POU2F3: variants seen among roughly 807,000 people sequenced by gnomAD.
POU2F3 encodes the protein POU class 2 homeobox 3.
A neutral mutation model predicts 59.2 loss-of-function variants in POU2F3; 23 were observed. The observed-to-expected ratio is 0.39, with a 90% CI of 0.28 to 0.55. POU2F3 has a LOEUF of 0.55. POU2F3 is among the 20% of genes least tolerant of loss of function. The pLI, the probability that POU2F3 is intolerant of heterozygous loss-of-function variation, is 0.66. For synonymous variants in POU2F3, 190 were observed against 214.6 expected (o/e 0.89, Z 1.00); for missense variants, 473 against 544.5 (o/e 0.87, Z 1.31).
At chr11:120,284,728 C>A (rs1392522759) in intron 3 of POU2F3, among the ~76,000 whole-genome samples, 1 of 152,210 alleles carries the variant, frequency 6.6e-6, no homozygotes, top group Admixed American at 6.5e-5. Context: ...TGACACATGA[C>A]ATCACTGTAA....
chr11:120,284,789 C>T (rs1224919498), intron 3 of POU2F3, among the ~76,000 whole-genome samples: 1 of 151,632 alleles, frequency 6.6e-6, no homozygotes, highest in African/African-American at 2.4e-5. Flanking sequence ...CCTTTAGCCC[C>T]GGGGTGAGTG....
At chr11:120,238,097 G>A (rs374418862), upstream of POU2F3, among the ~76,000 whole-genome samples, 43 of 152,162 alleles carry the variant, frequency 2.8e-4, no homozygotes, top group African/African-American at 9.9e-4. Flanking sequence ...AAAATTAGCC[G>A]GGCATGGTGG....
chr11:120,310,142 G>A (rs1430189404), intron 10 of POU2F3, among the ~76,000 whole-genome samples: 2 of 152,242 alleles, frequency 1.3e-5, no homozygotes, highest in South Asian at 2.1e-4. Context: ...TGTGGAAGCA[G>A]GAGACCAGCT....
intron 2 of POU2F3, among the ~76,000 whole-genome samples, chr11:120,266,193 C>T (rs536697128): frequency 5.4e-4 from 82 of 152,278 alleles, no homozygotes; most frequent in African/African-American, 1.8e-3. Context: ...ACAGCTTCAC[C>T]GAGGAAGCCC....
chr11:120,304,968 AAAAT>A, intron 6 of POU2F3, 58 bp from the exon 7 acceptor site: 47 of 1,190,556 alleles, frequency 3.9e-5, no homozygotes, highest in Non-Finnish European at 4.9e-5. Flanking sequence ...AAAAAAAAAA[AAAAT>A]CAGAAAATGT....
intron 3 of POU2F3, among the ~76,000 whole-genome samples, chr11:120,289,244 T>C (rs1050651968): frequency 6.6e-6 from 1 of 152,182 alleles, no homozygotes; most frequent in Non-Finnish European, 1.5e-5. Flanking sequence ...CAGCCCTTTG[T>C]TAAAAAAGAG....
At chr11:120,307,387 C>T in intron 8 of POU2F3, 92 bp from the exon 9 acceptor site, 1 of 1,451,466 alleles carries the variant, frequency 6.9e-7, no homozygotes, top group Non-Finnish European at 9.5e-7. Context: ...CTGCAGAGCC[C>T]ATCGGGAAGG....
chr11:120,281,438 T>C (rs7121490), intron 3 of POU2F3, among the ~76,000 whole-genome samples: 24,679 of 151,446 alleles, frequency 0.16, 3,365 homozygotes, highest in African/African-American at 0.38. Flanking sequence ...GGGGCTGTGC[T>C]CACTACAGGT....
chr11:120,305,815 C>T (rs764067458), intron 8 of POU2F3, 30 bp downstream of exon 8: 1 of 1,610,740 alleles, frequency 6.2e-7, no homozygotes, highest in Non-Finnish European at 8.5e-7. Flanking sequence ...ATGCCAGGGG[C>T]CCTAGAGGGC....
At chr11:120,317,463 G>C (rs773291683) in intron 12 of POU2F3, 99 bp downstream of exon 12, 5 of 1,518,452 alleles carry the variant, frequency 3.3e-6, no homozygotes, top group South Asian at 1.2e-5. Context: ...TCATAGAAAG[G>C]GTTGGAAAAG....
chr11:120,236,957 A>C (rs566675842), upstream of POU2F3, among the ~76,000 whole-genome samples: 82 of 152,280 alleles, frequency 5.4e-4, no homozygotes, highest in African/African-American at 1.9e-3. Flanking sequence ...TGTGGGCCTC[A>C]GGTCCCTCAA....
In POU2F3 at chr11:120,260,693, G is replaced by A. The variant is rs144104203; in HGVS notation, c.98-8517G>A. 5.7e-3 allele frequency among the ~76,000 whole-genome samples: 869 copies of A among 152,270 alleles called. 9 individuals carry two copies. The highest frequency in any genetic ancestry group is 0.019 in the African/African-American group (784 of 41,546). On this transcript the variant is annotated intron_variant, in intron 2 of 12. Coordinates refer to ENST00000543440, the MANE Select transcript of POU2F3 (RefSeq NM_014352.4). ...CTGTTTGGTGGAGATGCACAGTCCT[G>A]GGCACTGTGTGGGAGCAGGGATATG...
intron 3 of POU2F3, 105 bp from the exon 4 acceptor site, chr11:120,298,160 C>T: frequency 1.4e-6 from 2 of 1,402,184 alleles, no homozygotes; most frequent in Non-Finnish European, 1.9e-6. Flanking sequence ...GCTCTCTCCT[C>T]TCTAGGCTGG....
chr11:120,299,590 A>G, intron 4 of POU2F3, 34 bp from the exon 5 acceptor site: 7 of 1,591,356 alleles, frequency 4.4e-6, no homozygotes, highest in Non-Finnish European at 6.0e-6. Flanking sequence ...CAGCTTGTAA[A>G]TTCTGTGGTG....
In POU2F3 at chr11:120,246,487, G is replaced by T. The variant is rs751927201; in HGVS notation, c.67G>T (p.Ala23Ser). 1.2e-6 allele frequency: 2 copies of T among 1,613,784 alleles called. No individual in the cohort carries two copies. The highest frequency in any genetic ancestry group is 2.7e-5 in the African/African-American group (2 of 74,942). ...MSGDVADSTD[A>S]RSTLSQVEPG... ...TGGGGATGTAGCCGATTCCACGGATGCTCGCAGCACTCTCAGCCAGGTGGA... is the reference window on the plus strand; with the variant it reads ...TGGGGATGTAGCCGATTCCACGGATTCTCGCAGCACTCTCAGCCAGGTGGA... Residue 23 changes from alanine to serine, a missense_variant, in exon 2 of 13, where the codon GCT (alanine) becomes TCT (serine). Physicochemically the swap from Ala to Ser is moderately conservative, Grantham distance 99. Transcript: ENST00000543440.
intron 3 of POU2F3, among the ~76,000 whole-genome samples, chr11:120,294,602 C>T (rs1276663586): frequency 6.6e-6 from 1 of 152,230 alleles, no homozygotes; most frequent in East Asian, 1.9e-4. Flanking sequence ...AAGCTTCCAA[C>T]CTTTTCCCCT....
chr11:120,308,862 C>G (rs1170125163), intron 9 of POU2F3, among the ~76,000 whole-genome samples: 1 of 136,318 alleles, frequency 7.3e-6, no homozygotes, highest in African/African-American at 2.7e-5. Flanking sequence ...TTGCTTGAAC[C>G]CGGGAGGCGC....
chr11:120,256,854 G>A (rs1193664752), intron 2 of POU2F3: 1 of 152,204 alleles, frequency 6.6e-6, no homozygotes, highest in Non-Finnish European at 1.5e-5. Context: ...TTCATATGAG[G>A]TTTCATTTGG....
chr11:120,289,394 C>T (rs1042185135), intron 3 of POU2F3, among the ~76,000 whole-genome samples: 3 of 152,220 alleles, frequency 2.0e-5, no homozygotes. Context: ...TCGCTACAGT[C>T]ATGCTCTCTT....
Sources: gnomAD v4.1 joint callset for allele counts (sites outside exome capture counted in the v4.1 genomes callset) on GRCh38, gnomAD v4.1.1 for gene constraint, MANE v1.5 for transcripts, NCBI Gene and HGNC (gene_info 2026-07-23, HGNC 2026-07-21) for gene names.